Variants in CCSER2 observed in about 807,000 individuals in gnomAD.
CCSER2 encodes coiled-coil serine rich protein 2.
In CCSER2, 46 loss-of-function variants were observed where a neutral mutation model predicts 92.3. That is an observed-to-expected ratio of 0.50 (90% CI 0.39 to 0.64). The LOEUF (loss-of-function observed/expected upper bound fraction) is 0.64. Among genes scored for constraint, CCSER2 ranks in the 30% least tolerant of loss-of-function variants. The pLI, the probability that CCSER2 is intolerant of heterozygous loss-of-function variation, is 0.00. For synonymous variants in CCSER2, 433 were observed against 431.4 expected (o/e 1.00, Z -0.04); for missense variants, 1,244 against 1,238.9 (o/e 1.00, Z -0.06).
chr10:84,332,430 ATATATAT>A (rs1843618319), intron 1 of CCSER2, among the ~76,000 whole-genome samples: 1 of 72,968 alleles, frequency 1.4e-5, no homozygotes, highest in East Asian at 4.6e-4. Flanking sequence ...ATATATATAT[ATATATAT>A]TTTTTTTTTT....
intron 9 of CCSER2, among the ~76,000 whole-genome samples, chr10:84,482,992 T>A (rs929006615): frequency 3.3e-5 from 5 of 152,198 alleles, no homozygotes; most frequent in Non-Finnish European, 5.9e-5. Context: ...TTAAAAATGA[T>A]CTGTTGGAAT....
At chr10:84,385,505 G>A (rs1023852888) in intron 3 of CCSER2, among the ~76,000 whole-genome samples, 2 of 152,180 alleles carry the variant, frequency 1.3e-5, no homozygotes, top group Admixed American at 6.5e-5. Flanking sequence ...AAACTACGGG[G>A]AAAGGACACC....
intron 3 of CCSER2, among the ~76,000 whole-genome samples, chr10:84,416,933 A>G (rs190934649): frequency 6.6e-6 from 1 of 152,360 alleles, no homozygotes; most frequent in Non-Finnish European, 1.5e-5. Context: ...CGTCTCAAAA[A>G]AAAAAGAGTT....
intron 1 of CCSER2, among the ~76,000 whole-genome samples, chr10:84,368,405 A>AATAT (rs143857381): frequency 1.3e-5 from 2 of 151,308 alleles, no homozygotes; most frequent in African/African-American, 4.9e-5. Flanking sequence ...CATACACACA[A>AATAT]ATATATATAT....
chr10:84,462,403 A>G (rs1192720495), intron 6 of CCSER2, among the ~76,000 whole-genome samples: 4 of 152,202 alleles, frequency 2.6e-5, no homozygotes, highest in African/African-American at 9.6e-5. Context: ...GGAAGAAGAC[A>G]TTTAGATATT....
chr10:84,417,557 G>A (rs1318001394), intron 3 of CCSER2, among the ~76,000 whole-genome samples: 6 of 152,202 alleles, frequency 3.9e-5, no homozygotes, highest in African/African-American at 1.4e-4. Flanking sequence ...GGGGAGGAAA[G>A]ACTAGGAGGA....
chr10:84,504,108 C>A (rs1848915709), intron 9 of CCSER2, among the ~76,000 whole-genome samples: 1 of 152,004 alleles, frequency 6.6e-6, no homozygotes, highest in South Asian at 2.1e-4. Flanking sequence ...AATATTTGAT[C>A]CTCTCATATT....
At chr10:84,387,262 T>C (rs540681784) in intron 3 of CCSER2, among the ~76,000 whole-genome samples, 2 of 152,320 alleles carry the variant, frequency 1.3e-5, no homozygotes, top group African/African-American at 4.8e-5. Context: ...AACTGTTCAA[T>C]GATGAGACCC....
chr10:84,368,412 A>G (rs1845895447), intron 1 of CCSER2, among the ~76,000 whole-genome samples: 1 of 152,032 alleles, frequency 6.6e-6, no homozygotes, highest in Non-Finnish European at 1.5e-5. Flanking sequence ...ACAAATATAT[A>G]TATATATCTC....
chr10:84,373,571 G>A (rs748644482), intron 2 of CCSER2, 48 bp from the exon 3 acceptor site: 38 of 1,420,558 alleles, frequency 2.7e-5, no homozygotes, highest in Non-Finnish European at 2.9e-5. Flanking sequence ...TTTAGGACAC[G>A]AGAAACAATT....
intron 6 of CCSER2, among the ~76,000 whole-genome samples, chr10:84,457,726 A>C (rs940375511): frequency 1.0e-5 from 1 of 99,442 alleles, no homozygotes; most frequent in Non-Finnish European, 1.9e-5. Flanking sequence ...TAAATATATA[A>C]AATTTTGTTT....
intron 9 of CCSER2, among the ~76,000 whole-genome samples, chr10:84,506,910 A>C (rs1331807927): frequency 6.6e-6 from 1 of 152,182 alleles, no homozygotes; most frequent in Non-Finnish European, 1.5e-5. Flanking sequence ...ATAAGAGGTT[A>C]CTTGGGACTA....
intron 9 of CCSER2, among the ~76,000 whole-genome samples, chr10:84,504,988 T>G (rs1848967462): frequency 6.6e-6 from 1 of 152,174 alleles, no homozygotes; most frequent in Non-Finnish European, 1.5e-5. Flanking sequence ...TTTGTCCTAT[T>G]TATAATAGTA....
At chr10:84,433,231 T>C (rs1210196042) in intron 5 of CCSER2, among the ~76,000 whole-genome samples, 5 of 152,216 alleles carry the variant, frequency 3.3e-5, no homozygotes, top group African/African-American at 1.2e-4. Context: ...TAGAATCACC[T>C]TGCCGATATC....
At chr10:84,385,981 A>C (rs1029193009) in intron 3 of CCSER2, among the ~76,000 whole-genome samples, 2 of 152,320 alleles carry the variant, frequency 1.3e-5, no homozygotes, top group African/African-American at 4.8e-5. Flanking sequence ...CATAAAAAAA[A>C]CTCAACATCA....
chr10:84,457,403 A>G (rs1589719862), intron 6 of CCSER2, among the ~76,000 whole-genome samples: 1 of 82,096 alleles, frequency 1.2e-5, no homozygotes, highest in Admixed American at 2.1e-4. Context: ...ATTTAAATAT[A>G]TATTTTAAAA....
intron 6 of CCSER2, among the ~76,000 whole-genome samples, chr10:84,461,673 TC>T (rs1185893864): frequency 4.0e-5 from 6 of 151,718 alleles, no homozygotes; most frequent in African/African-American, 7.2e-5. Flanking sequence ...TTTTTTTTTT[TC>T]CCCCTGAGAT....
At chr10:84,404,000 ATTTC>A (rs1937521871) in intron 3 of CCSER2, among the ~76,000 whole-genome samples, 1 of 152,216 alleles carries the variant, frequency 6.6e-6, no homozygotes, top group Admixed American at 6.5e-5. Flanking sequence ...CCTTGAATTC[ATTTC>A]TAAACCAACA....
chr10:84,356,605 T>C (rs1384661802), intron 1 of CCSER2, among the ~76,000 whole-genome samples: 1 of 152,206 alleles, frequency 6.6e-6, no homozygotes, highest in Non-Finnish European at 1.5e-5. Flanking sequence ...GTCGTGGATA[T>C]GCGTAGAGAT....
Sources: allele counts gnomAD v4.1 joint callset (sites outside exome capture counted in the v4.1 genomes callset), GRCh38; gene constraint gnomAD v4.1.1; transcripts MANE v1.5; gene names NCBI Gene and HGNC (gene_info 2026-07-23, HGNC 2026-07-21).